The following IL1RAPL1 variants were observed in gnomAD, a reference collection of about 807,000 sequenced individuals.
IL1RAPL1 encodes the protein interleukin 1 receptor accessory protein like 1, also known as interleukin-1 receptor accessory protein-like 1.
Under a neutral mutation model 48.4 loss-of-function variants are expected in IL1RAPL1, and 3 were observed. The observed-to-expected ratio is 0.06, with a 90% CI of 0.03 to 0.16. IL1RAPL1 has a LOEUF of 0.16. IL1RAPL1 is among the 10% of genes least tolerant of loss of function. The probability of loss-of-function intolerance (pLI) is 1.00; values close to 1 mark genes in which losing one functional copy is unlikely to be tolerated. For missense variants in IL1RAPL1, 349 were observed against 530.6 expected (o/e 0.66, Z 3.36); for synonymous variants, 185 against 187.7 (o/e 0.99, Z 0.12).
intron 3 of IL1RAPL1, among the ~76,000 whole-genome samples, chrX:29,361,881 G>T (rs1933381597): frequency 8.9e-6 from 1 of 112,198 alleles, no homozygotes; most frequent in Non-Finnish European, 1.9e-5. Context: ...TAATGAAATT[G>T]TGTGTTAAGT....
At chrX:29,908,026 T>A (rs1932676607) in intron 6 of IL1RAPL1, among the ~76,000 whole-genome samples, 1 of 111,239 alleles carries the variant, frequency 9.0e-6, no homozygotes, top group Non-Finnish European at 1.9e-5. Context: ...ATTAAAAAAA[T>A]TTAAATCACA....
chrX:29,541,944 A>C (rs1921452996), intron 5 of IL1RAPL1, among the ~76,000 whole-genome samples: 1 of 111,441 alleles, frequency 9.0e-6, no homozygotes, highest in Non-Finnish European at 1.9e-5. Flanking sequence ...GAAAAAAATG[A>C]CATAAAATTA....
chrX:28,743,140 G>A (rs1308296070), intron 1 of IL1RAPL1, among the ~76,000 whole-genome samples: 2 of 111,182 alleles, frequency 1.8e-5, no homozygotes, highest in African/African-American at 6.5e-5. Flanking sequence ...GAATTAAATG[G>A]TGAATTTCAA....
chrX:29,603,023 T>A (rs1176415082), intron 5 of IL1RAPL1, among the ~76,000 whole-genome samples: 3 of 111,262 alleles, frequency 2.7e-5, no homozygotes, highest in Non-Finnish European at 5.7e-5. Context: ...CCCAGCACTT[T>A]GGGAGGCCGA....
At chrX:29,534,981 G>A (rs1921173962) in intron 5 of IL1RAPL1, among the ~76,000 whole-genome samples, 1 of 105,113 alleles carries the variant, frequency 9.5e-6, no homozygotes, top group Non-Finnish European at 2.0e-5. Context: ...AAAAAAAAGA[G>A]AAATTAACCG....
intron 5 of IL1RAPL1, among the ~76,000 whole-genome samples, chrX:29,604,792 A>G (rs1483468681): frequency 9.0e-6 from 1 of 111,136 alleles, no homozygotes; most frequent in Non-Finnish European, 1.9e-5. Flanking sequence ...AAGTAAGAAG[A>G]CTTCCTACAG....
intron 6 of IL1RAPL1, among the ~76,000 whole-genome samples, chrX:29,836,321 G>C (rs969105683): frequency 3.7e-5 from 4 of 108,402 alleles, no homozygotes; most frequent in African/African-American, 1.4e-4. Context: ...CTCCCGAGTA[G>C]CTGGGATTAC....
intron 2 of IL1RAPL1, among the ~76,000 whole-genome samples, chrX:28,932,271 A>G (rs1923904497): frequency 9.0e-6 from 1 of 110,935 alleles, no homozygotes; most frequent in African/African-American, 3.3e-5. Context: ...GAATATTTCT[A>G]TTTGCATTGC....
chrX:29,280,870 AAGAG>A (rs1932190608), intron 2 of IL1RAPL1, among the ~76,000 whole-genome samples: 1 of 112,239 alleles, frequency 8.9e-6, no homozygotes, highest in South Asian at 3.7e-4. Context: ...GCAAGAAAGA[AAGAG>A]AAAGCCATGC....
At chrX:28,665,976 G>GCACTGGCCTA (rs1371791235) in intron 1 of IL1RAPL1, among the ~76,000 whole-genome samples, 2 of 112,116 alleles carry the variant, frequency 1.8e-5, no homozygotes, top group Admixed American at 1.9e-4. Flanking sequence ...TGCCCACGCT[G>GCACTGGCCTA]CACTGGCCTA....
At chrX:28,932,641 C>T (rs185623351) in intron 2 of IL1RAPL1, among the ~76,000 whole-genome samples, 9 of 109,614 alleles carry the variant, frequency 8.2e-5, no homozygotes, top group Non-Finnish European at 1.7e-4. Flanking sequence ...TGAGAAAGAC[C>T]TATTTAGCTT....
Position 29,955,957 on chromosome X carries a change from T to G in IL1RAPL1, c.*137T>G. 1 of 522,528 alleles carries G rather than the reference T, an allele frequency of 1.9e-6. No homozygotes were observed. The highest frequency in any genetic ancestry group is 3.4e-6 in the Non-Finnish European group (1 of 295,413). 43.1% of individuals were successfully genotyped at this position (522,528 alleles called of 1,213,427 possible). A position where few individuals can be genotyped will look rare whatever the true frequency, so the allele number is the denominator to read the frequency against. ...GAACACGAGGAAAAACAGGGTCTTG[T>G]ACATATGTTTTTTGGAATTTCTTTG... On this transcript the variant is annotated 3_prime_UTR_variant, in exon 11 of 11. Coordinates refer to ENST00000378993, the MANE Select transcript of IL1RAPL1 (RefSeq NM_014271.4).
chrX:29,780,021 C>A (rs1210650273), intron 6 of IL1RAPL1, among the ~76,000 whole-genome samples: 1 of 110,947 alleles, frequency 9.0e-6, no homozygotes, highest in South Asian at 3.8e-4. Context: ...TACCCAAAAT[C>A]AATATCACTA....
chrX:28,940,261 A>G (rs1325080761), intron 2 of IL1RAPL1, among the ~76,000 whole-genome samples: 1 of 111,342 alleles, frequency 9.0e-6, no homozygotes, highest in African/African-American at 3.2e-5. Context: ...TAAAGGTAAA[A>G]TGAGAAACAG....
At chrX:29,502,099 A>G (rs199570674) in intron 5 of IL1RAPL1, among the ~76,000 whole-genome samples, 1 of 110,666 alleles carries the variant, frequency 9.0e-6, no homozygotes, top group Admixed American at 9.6e-5. Context: ...TATAAATGAG[A>G]TTTCTTTCTT....
At chrX:29,514,512 T>A (rs924792047) in intron 5 of IL1RAPL1, among the ~76,000 whole-genome samples, 1 of 112,684 alleles carries the variant, frequency 8.9e-6, no homozygotes, top group African/African-American at 3.2e-5. Context: ...GCAGTGGCAC[T>A]ATCTCGGCTC....
At chrX:28,954,196 T>G (rs1007273079) in intron 2 of IL1RAPL1, among the ~76,000 whole-genome samples, 2 of 110,906 alleles carry the variant, frequency 1.8e-5, no homozygotes, top group Non-Finnish European at 3.8e-5. Context: ...AGTTTTAAAA[T>G]AAAGTAATAA....
chrX:29,003,342 G>T (rs1023678161), intron 2 of IL1RAPL1, among the ~76,000 whole-genome samples: 1 of 111,553 alleles, frequency 9.0e-6, no homozygotes, highest in African/African-American at 3.3e-5. Flanking sequence ...AATGAGGGGA[G>T]GGACATCAGG....
rs188711000 is a variant in IL1RAPL1, at chrX:28,784,042, C to A, written c.-24-5278C>A. Among the ~76,000 whole-genome samples, 223 of 111,918 alleles carry A rather than the reference C, an allele frequency of 2.0e-3. 1 individual carries two copies. The highest frequency in any genetic ancestry group is 7.1e-3 in the African/African-American group (218 of 30,794). The stretch of plus-strand genomic sequence containing the variant: ...ATTAAAAAAACAAATGTATACATAA[C>A]TTTATAATTTGTGTTTAATTTCCTC... On this transcript the variant is annotated intron_variant, in intron 1 of 10. Transcript: ENST00000378993.
Sources: gnomAD v4.1 joint callset for allele counts (sites outside exome capture counted in the v4.1 genomes callset) on GRCh38, gnomAD v4.1.1 for gene constraint, MANE v1.5 for transcripts, NCBI Gene and HGNC (gene_info 2026-07-23, HGNC 2026-07-21) for gene names.